The following TRNAU1AP variants were observed in gnomAD, a reference collection of about 807,000 sequenced individuals.
TRNAU1AP encodes tRNA selenocysteine 1-associated protein 1.
TRNAU1AP carries 33 observed loss-of-function variants against 43.3 expected under a neutral mutation model. The observed-to-expected ratio is 0.76, with a 90% CI of 0.58 to 1.02. TRNAU1AP has a LOEUF of 1.02. Among genes scored for constraint, TRNAU1AP ranks in the 50% least tolerant of loss-of-function variants. TRNAU1AP has a pLI of 0.00. For synonymous variants in TRNAU1AP, 143 were observed against 129.1 expected (o/e 1.11, Z -0.73); for missense variants, 290 against 362.7 (o/e 0.80, Z 1.63).
chr1:28,560,440 C>G (rs1207292521), intron 2 of TRNAU1AP, among the ~76,000 whole-genome samples, 193 bp from the exon 3 acceptor site: 1 of 152,062 alleles, frequency 6.6e-6, no homozygotes, highest in Non-Finnish European at 1.5e-5. Context: ...CGCCGCCATG[C>G]CCAGCCAATT....
intron 6 of TRNAU1AP, among the ~76,000 whole-genome samples, chr1:28,569,831 CAAAAAAA>C (rs760723401): frequency 9.4e-6 from 1 of 106,374 alleles, no homozygotes; most frequent in African/African-American, 3.4e-5. Context: ...CTAAAAATAC[CAAAAAAA>C]AAAAAAAAAA....
At chr1:28,555,331 C>G (rs1396915561) in intron 2 of TRNAU1AP, among the ~76,000 whole-genome samples, 1 of 151,962 alleles carries the variant, frequency 6.6e-6, no homozygotes, top group South Asian at 2.1e-4. Flanking sequence ...ATGGAGTTTA[C>G]TACATTCTAG....
intron 3 of TRNAU1AP, 34 bp from the exon 4 acceptor site, chr1:28,561,310 TTC>T: frequency 6.2e-7 from 1 of 1,613,584 alleles, no homozygotes; most frequent in Non-Finnish European, 8.5e-7. Flanking sequence ...TGAAACACCT[TTC>T]TCTGTTTTAG....
rs747314911 is a variant in TRNAU1AP, at chr1:28,571,169, A to G, written c.531-7A>G. The stretch of plus-strand genomic sequence containing the variant: ...TACACTTATTTTTGTTTCTGTCTTC[A>G]TTTAAGGAGCCGTGTAAAGCCAGTG... On this transcript the variant is annotated splice_region_variant and splice_polypyrimidine_tract_variant and intron_variant, in intron 6 of 8. Coordinates refer to ENST00000373830, the MANE Select transcript of TRNAU1AP (RefSeq NM_017846.5). 1.9e-6 allele frequency: 3 copies of G among 1,613,730 alleles called. No homozygotes were observed. In the South Asian group the frequency reaches 3.3e-5, roughly 18 times the overall value.
At chr1:28,561,897 C>T (rs1170526596) in intron 4 of TRNAU1AP, among the ~76,000 whole-genome samples, 1 of 152,164 alleles carries the variant, frequency 6.6e-6, no homozygotes, top group Non-Finnish European at 1.5e-5. Context: ...ACGGTGAAAC[C>T]CCGTCTCTAC....
chr1:28,560,823 T>C, intron 3 of TRNAU1AP, 91 bp downstream of exon 3: 1 of 1,141,342 alleles, frequency 8.8e-7, no homozygotes, highest in Non-Finnish European at 1.2e-6. Flanking sequence ...TTATTTTATT[T>C]AATCCTAAAA....
At chr1:28,554,911 C>T (rs1357760122) in intron 2 of TRNAU1AP, among the ~76,000 whole-genome samples, 2 of 151,480 alleles carry the variant, frequency 1.3e-5, no homozygotes, top group Non-Finnish European at 2.9e-5. Flanking sequence ...CCTGAAAGCT[C>T]ATGAGGGCCC....
At chr1:28,571,422 G>A in intron 7 of TRNAU1AP, 84 bp downstream of exon 7, 1 of 1,422,630 alleles carries the variant, frequency 7.0e-7, no homozygotes. Context: ...GGATTGGTAA[G>A]GACAGGGGCT....
chr1:28,577,658 G>GT lies in TRNAU1AP; in HGVS notation c.*24dup, dbSNP rs757109284. On this transcript the variant is annotated 3_prime_UTR_variant, in exon 9 of 9. Coordinates refer to ENST00000373830, the MANE Select transcript of TRNAU1AP (RefSeq NM_017846.5). ...GTAGCCAGGCCAAAGGACAAGCCAG[G>GT]TTGCATGATGTGAGGGAGATGAGAG... The GT allele has an allele frequency of 6.2e-6, 10 of 1,603,568 alleles. No individual in the cohort carries two copies. Among genetic ancestry groups the GT allele is most frequent in the Non-Finnish European group, 7.7e-6 (9 of 1,175,114 alleles).
chr1:28,560,662 T>G lies in TRNAU1AP; in HGVS notation c.155T>G (p.Phe52Cys), dbSNP rs750633725. 12 of 1,614,048 alleles carry G rather than the reference T, an allele frequency of 7.4e-6. No individual in the cohort carries two copies. Among genetic ancestry groups the G allele is most frequent in the Non-Finnish European group, 8.5e-6 (10 of 1,180,036 alleles). The stretch of plus-strand genomic sequence containing the variant: ...CCAGCTGGCTACTGCTTTGTAGAAT[T>G]TGCAGATTTGGCCACAGCTGAGAAG... ...GIPAGYCFVE[F>C]ADLATAEKCL... Residue 52 changes from phenylalanine to cysteine, a missense_variant, in exon 3 of 9, where the codon TTT (phenylalanine) becomes TGT (cysteine). By Grantham distance (205) the Phe-to-Cys change is radical (BLOSUM62 -2). Around this residue, in one of 3 missense-constraint regions of TRNAU1AP, gnomAD observed 174 missense variants for 262.1 expected, o/e 0.66. Transcript: ENST00000373830.
In TRNAU1AP at chr1:28,567,277, A is replaced by G. The variant is rs771292177; in HGVS notation, c.411-17A>G. 1.2e-6 allele frequency: 2 copies of G among 1,610,788 alleles called. No homozygotes were observed. Among genetic ancestry groups the G allele is most frequent in the Non-Finnish European group, 1.7e-6 (2 of 1,179,144 alleles). The stretch of plus-strand genomic sequence containing the variant: ...TAATCACATTTGTGATCTAAATTGT[A>G]TATTTTTTTCATGCAGGGGTTATGG... On this transcript the variant is annotated splice_polypyrimidine_tract_variant and intron_variant, in intron 5 of 8. Coordinates refer to ENST00000373830, the MANE Select transcript of TRNAU1AP (RefSeq NM_017846.5).
intron 2 of TRNAU1AP, among the ~76,000 whole-genome samples, chr1:28,557,201 C>T (rs569750969): frequency 6.6e-4 from 100 of 151,476 alleles, no homozygotes; most frequent in Non-Finnish European, 1.0e-3. Context: ...AGGCGGATCA[C>T]GAGGTCAGGA....
intron 5 of TRNAU1AP, 77 bp from the exon 6 acceptor site, chr1:28,567,217 C>T: frequency 6.6e-7 from 1 of 1,518,738 alleles, no homozygotes; most frequent in Non-Finnish European, 9.0e-7. Flanking sequence ...ACCTTCTTAT[C>T]CTTACTTCTT....
intron 2 of TRNAU1AP, among the ~76,000 whole-genome samples, chr1:28,555,660 C>A (rs1365874811): frequency 6.6e-6 from 1 of 151,638 alleles, no homozygotes; most frequent in Non-Finnish European, 1.5e-5. Flanking sequence ...GCTAAAACAT[C>A]AAATGGTTTA....
chr1:28,565,632 A>C (rs1399731301), intron 5 of TRNAU1AP: 1 of 151,466 alleles, frequency 6.6e-6, no homozygotes, highest in Non-Finnish European at 1.5e-5. Flanking sequence ...TACTAAAAAA[A>C]TACAAAAGTT....
chr1:28,566,247 C>T (rs530375210), intron 5 of TRNAU1AP, among the ~76,000 whole-genome samples: 2 of 147,644 alleles, frequency 1.4e-5, no homozygotes, highest in Non-Finnish European at 3.0e-5. Flanking sequence ...CCTGGGAGGC[C>T]GAGGTTGCAG....
At chr1:28,575,758 A>C (rs190080608) in intron 8 of TRNAU1AP, among the ~76,000 whole-genome samples, 3 of 144,298 alleles carry the variant, frequency 2.1e-5, no homozygotes, top group Non-Finnish European at 4.5e-5. Context: ...TGGGGTTTCT[A>C]TGTTGGTCAG....
chr1:28,571,841 A>C, intron 7 of TRNAU1AP, 26 bp from the exon 8 acceptor site: 1 of 1,585,256 alleles, frequency 6.3e-7, no homozygotes, highest in South Asian at 1.1e-5. Context: ...CCATGCCCCT[A>C]ACCCACATCT....
At chr1:28,575,402 C>T (rs1457322324) in intron 8 of TRNAU1AP, among the ~76,000 whole-genome samples, 1 of 151,818 alleles carries the variant, frequency 6.6e-6, no homozygotes, top group East Asian at 1.9e-4. Flanking sequence ...ATCCGCCCGC[C>T]TCTGCCTCCC....
Sources: gnomAD v4.1 joint callset for allele counts (sites outside exome capture counted in the v4.1 genomes callset) on GRCh38, gnomAD v4.1.1 for gene constraint, gnomAD v4.1.1 regional missense constraint, MANE v1.5 for transcripts, NCBI Gene and HGNC (gene_info 2026-07-23, HGNC 2026-07-21) for gene names.